Variants in EDC3 observed in about 807,000 individuals in gnomAD.
The protein encoded by EDC3 is enhancer of mRNA decapping 3.
Under a neutral mutation model 41.8 loss-of-function variants are expected in EDC3, and 20 were observed. That is an observed-to-expected ratio of 0.48 (90% CI 0.34 to 0.70). The LOEUF (loss-of-function observed/expected upper bound fraction) is 0.70, where lower values mean the gene tolerates loss of function less well. EDC3 is among the 30% of genes least tolerant of loss of function. The pLI, the probability that EDC3 is intolerant of heterozygous loss-of-function variation, is 0.01. For synonymous variants in EDC3, 206 were observed against 243.2 expected, an observed-to-expected ratio of 0.85 and a Z score of 1.42; for missense variants, 444 against 636.8, an observed-to-expected ratio of 0.70 and a Z score of 3.26.
intron 3 of EDC3, among the ~76,000 whole-genome samples, chr15:74,659,404 G>A (rs2062594053): frequency 6.6e-6 from 1 of 151,934 alleles, no homozygotes; most frequent in Non-Finnish European, 1.5e-5. Flanking sequence ...AGGTTACAGT[G>A]AGCCAAGATT....
rs2062739129 is a variant in EDC3, at chr15:74,671,575, C to T, written c.364G>A (p.Asp122Asn). Residue 122 changes from aspartate to asparagine, a missense_variant, in exon 3 of 7, where the codon GAT becomes AAT. Around this residue, in one of 3 missense-constraint regions of EDC3, gnomAD observed 200 missense variants for 244.0 expected, o/e 0.82. Transcript: ENST00000315127. The surrounding 1 kb of genome is among the most constrained non-coding windows in gnomAD (Gnocchi z 4.6). ...SAPQNIPKRT[D>N]VKSQDVAVSP... ...ACGGCAACATCCTGGCTCTTCACAT[C>T]TGTCCTCTTAGGGATATTCTGAGGG... 1 of 1,614,102 alleles carries T rather than the reference C, an allele frequency of 6.2e-7. No individual in the cohort carries two copies. Among genetic ancestry groups the T allele is most frequent in the Non-Finnish European group, 8.5e-7 (1 of 1,180,050 alleles).
Position 74,642,502 on chromosome 15 carries a change from A to G in EDC3, c.821-1883T>C, listed in dbSNP as rs185389340. ...GAACTAATTAGGCTGAACAATTTTC[A>G]AAAGTCCTAAGCCACGAACAACTCA... On this transcript the variant is annotated intron_variant, in intron 4 of 6. Transcript: ENST00000315127. The G allele has an allele frequency of 1.2e-4, 19 of 152,368 alleles. No homozygotes were observed. The East Asian group carries it at 3.1e-3, about 25-fold the overall frequency. 9.4% of individuals were successfully genotyped at this position (152,368 alleles called of 1,614,324 possible).
At chr15:74,647,174 TA>T (rs2062428785) in intron 4 of EDC3, among the ~76,000 whole-genome samples, 2 of 152,178 alleles carry the variant, frequency 1.3e-5, no homozygotes, top group African/African-American at 4.8e-5. Flanking sequence ...CACGGATAGC[TA>T]ATTTTTATAT....
At chr15:74,635,695 A>C in intron 5 of EDC3, 69 bp from the exon 6 acceptor site, 2 of 1,393,570 alleles carry the variant, frequency 1.4e-6, no homozygotes, top group Non-Finnish European at 2.0e-6. Flanking sequence ...ATACCAGACA[A>C]TTGCCTGTAG....
At chr15:74,654,923 T>C (rs1301148002) in intron 4 of EDC3, among the ~76,000 whole-genome samples, 2 of 152,204 alleles carry the variant, frequency 1.3e-5, no homozygotes, top group Admixed American at 1.3e-4. Context: ...AATATTATAC[T>C]CAATTCCTTC....
At chr15:74,636,113 T>C (rs190803992) in intron 5 of EDC3, 50 of 167,290 alleles carry the variant, frequency 3.0e-4, no homozygotes, top group Non-Finnish European at 5.3e-4. Flanking sequence ...GTTCAAGACT[T>C]ACCTCTGCTG....
rs187573163 is a variant in EDC3, at chr15:74,660,692, C to T, written c.485-4624G>A. Among the ~76,000 whole-genome samples, 258 of 152,178 alleles carry T rather than the reference C, an allele frequency of 1.7e-3. 1 individual carries two copies. The highest frequency in any genetic ancestry group is 3.1e-3 in the Non-Finnish European group (213 of 68,022). On this transcript the variant is annotated intron_variant, in intron 3 of 6. Transcript: ENST00000315127. ...TCCTATTAGAAATAGGTCTCTTGCC[C>T]AGTGGTCACTCTTCAGTGGGTATGT...
chr15:74,675,582 A>G (rs2062796344), intron 1 of EDC3, among the ~76,000 whole-genome samples: 1 of 149,546 alleles, frequency 6.7e-6, no homozygotes, highest in African/African-American at 2.5e-5. Flanking sequence ...AATTCTGGAT[A>G]GTTGTTTTTT....
In EDC3 at chr15:74,663,827, C is replaced by A. The variant is rs114103794; in HGVS notation, c.484+7628G>T. On this transcript the variant is annotated intron_variant, in intron 3 of 6. Transcript: ENST00000315127. ...GACTAGCTGTAAAGTTCGTTCACAG[C>A]ATGTTGACAAAGTGCCCCACTATAA... Among the ~76,000 whole-genome samples the A allele has an allele frequency of 6.8e-3, 1,029 of 152,144 alleles. 9 individuals are homozygous for A. Among genetic ancestry groups the A allele is most frequent in the African/African-American group, 0.024 (996 of 41,508 alleles).
At chr15:74,652,194 T>G (rs1032656919) in intron 4 of EDC3, among the ~76,000 whole-genome samples, 2 of 152,192 alleles carry the variant, frequency 1.3e-5, no homozygotes, top group African/African-American at 4.8e-5. Flanking sequence ...CTGTAGTCTA[T>G]TTGCCATTAA....
At chr15:74,668,766 A>AAAGAAAGAAAGAAAGAAAGAAAGG (rs1255290082) in intron 3 of EDC3, among the ~76,000 whole-genome samples, 1 of 66,072 alleles carries the variant, frequency 1.5e-5, no homozygotes, top group African/African-American at 9.6e-5. Context: ...AAGAAAGAAA[A>AAAGAAAGAAAGAAAGAAAGAAAGG]AGGTTAAAGT....
chr15:74,680,484 AAT>A (rs1378123094), intron 1 of EDC3, among the ~76,000 whole-genome samples: 1 of 152,132 alleles, frequency 6.6e-6, no homozygotes, highest in Admixed American at 6.6e-5. Context: ...GAAAAATGGG[AAT>A]AGAGAGGAAC....
At chr15:74,666,838 G>A (rs2062681426) in intron 3 of EDC3, among the ~76,000 whole-genome samples, 1 of 152,156 alleles carries the variant, frequency 6.6e-6, no homozygotes, top group Non-Finnish European at 1.5e-5. Flanking sequence ...CTTAGTGTTT[G>A]CAAATTTTTA....
chr15:74,635,641 G>A lies in EDC3; in HGVS notation c.975-15C>T. ...TGGGATTCAACCTGGAAAAGAAGGT[G>A]AAGAAGCAGTATCAGCTACATACTT... is the stretch of plus-strand genomic sequence containing the variant. On this transcript the variant is annotated splice_polypyrimidine_tract_variant and intron_variant, in intron 5 of 6. Coordinates refer to ENST00000315127, the MANE Select transcript of EDC3 (RefSeq NM_025083.5). The A allele has an allele frequency of 6.2e-7, 1 of 1,609,856 alleles. No homozygotes were observed. Among genetic ancestry groups the A allele is most frequent in the South Asian group, 1.1e-5 (1 of 90,940 alleles).
At chr15:74,638,127 C>T (rs1486122294) in intron 5 of EDC3, 1 of 152,148 alleles carries the variant, frequency 6.6e-6, no homozygotes, top group Non-Finnish European at 1.5e-5. Flanking sequence ...ACACGCTACC[C>T]TCTTGGTTTC....
At chr15:74,646,004 A>C (rs2062412346) in intron 4 of EDC3, among the ~76,000 whole-genome samples, 1 of 152,134 alleles carries the variant, frequency 6.6e-6, no homozygotes, top group Non-Finnish European at 1.5e-5. Flanking sequence ...GAAACAGAGA[A>C]AATAAAACGA....
At chr15:74,675,267 C>T (rs1038937763) in intron 1 of EDC3, 125 bp from the exon 2 acceptor site, 2 of 830,328 alleles carry the variant, frequency 2.4e-6, no homozygotes, top group African/African-American at 1.7e-5. Context: ...ACATTGTTAA[C>T]TGAGGTAATA....
rs182536616 is a variant in EDC3, at chr15:74,680,175, G to C, written c.-18-5033C>G. Among the ~76,000 whole-genome samples, 918 of 139,092 alleles carry C rather than the reference G, an allele frequency of 6.6e-3. 3 individuals carry two copies. The highest frequency in any genetic ancestry group is 0.017 in the Admixed American group (214 of 12,386). 91.2% of individuals were successfully genotyped at this position (139,092 alleles called of 152,430 possible). A position where few individuals can be genotyped will look rare whatever the true frequency, so the allele number is the denominator to read the frequency against. On this transcript the variant is annotated intron_variant, in intron 1 of 6. Coordinates refer to ENST00000315127, the MANE Select transcript of EDC3 (RefSeq NM_025083.5). Reference sequence around the variant, plus strand: ...ACTCGAGAGGCTGAGGCAGGAGAATGATGGGAACCCAGGAGGAGGAACTTG... The same window carrying C: ...ACTCGAGAGGCTGAGGCAGGAGAATCATGGGAACCCAGGAGGAGGAACTTG...
chr15:74,634,984 TC>T (rs1465700903), intron 6 of EDC3: 3 of 439,380 alleles, frequency 6.8e-6, no homozygotes, highest in Admixed American at 4.9e-5. Flanking sequence ...TGTCCAAGTC[TC>T]CTACTCTCCA....
Sources: gnomAD v4.1 joint callset for allele counts (sites outside exome capture counted in the v4.1 genomes callset) on GRCh38, gnomAD v4.1.1 for gene constraint, gnomAD v4.1.1 regional missense constraint, Gnocchi (gnomAD v3.1) non-coding constraint, MANE v1.5 for transcripts, NCBI Gene and HGNC (gene_info 2026-07-23, HGNC 2026-07-21) for gene names.